Variants in TAFA2 observed in about 807,000 individuals in gnomAD.
TAFA2 encodes TAFA chemokine like family member 2.
TAFA2 carries 7 observed loss-of-function variants against 18.8 expected under a neutral mutation model. The ratio of observed to expected loss-of-function variants is 0.37; its 90% CI spans 0.21 to 0.70. The LOEUF is 0.70. Among genes scored for constraint, TAFA2 ranks in the 30% least tolerant of loss-of-function variants. TAFA2 has a pLI of 0.53. For missense variants in TAFA2, 122 were observed against 158.1 expected, an observed-to-expected ratio of 0.77 and a Z score of 1.23; for synonymous variants, 60 against 54.2, an observed-to-expected ratio of 1.11 and a Z score of -0.47.
At chr12:61,779,434 T>G (rs569835063) in intron 2 of TAFA2, among the ~76,000 whole-genome samples, 1 of 151,950 alleles carries the variant, frequency 6.6e-6, no homozygotes. Context: ...TAAAAGGGCA[T>G]GCTATTAATA....
intron 1 of TAFA2, among the ~76,000 whole-genome samples, chr12:62,233,420 T>C (rs1257687633): frequency 7.9e-5 from 12 of 152,284 alleles, no homozygotes; most frequent in East Asian, 7.7e-4. Flanking sequence ...CTCCACTAGA[T>C]TGTGACCTCC....
chr12:62,034,965 A>G (rs1293212753), intron 1 of TAFA2, among the ~76,000 whole-genome samples: 2 of 152,212 alleles, frequency 1.3e-5, no homozygotes, highest in Non-Finnish European at 2.9e-5. Context: ...TTGAAAACAG[A>G]GTGACATTAT....
chr12:62,095,540 A>T (rs1868912911), intron 1 of TAFA2, among the ~76,000 whole-genome samples: 2 of 152,164 alleles, frequency 1.3e-5, no homozygotes, highest in Non-Finnish European at 2.9e-5. Flanking sequence ...TGAGTGGCAC[A>T]GCTCAAACAA....
chr12:62,243,704 G>C (rs73135222), intron 1 of TAFA2, among the ~76,000 whole-genome samples: 14,252 of 152,252 alleles, frequency 0.094, 740 homozygotes, highest in Middle Eastern at 0.18. Flanking sequence ...TGAATTTACA[G>C]TTAACATCAA....
chr12:62,189,032 T>C (rs1279855099), intron 1 of TAFA2, among the ~76,000 whole-genome samples: 1 of 152,198 alleles, frequency 6.6e-6, no homozygotes, highest in Non-Finnish European at 1.5e-5. Context: ...AATTCCCCTT[T>C]AGCAGAACCT....
chr12:62,196,581 C>T (rs1444820343), upstream of TAFA2, among the ~76,000 whole-genome samples: 4 of 152,126 alleles, frequency 2.6e-5, no homozygotes, highest in Non-Finnish European at 4.4e-5. Flanking sequence ...GTTGGGGGAA[C>T]AGCCAGTTGG....
chr12:61,821,142 C>A (rs926610803), intron 2 of TAFA2, among the ~76,000 whole-genome samples: 11 of 151,480 alleles, frequency 7.3e-5, no homozygotes, highest in African/African-American at 2.4e-4. Context: ...CACACACACA[C>A]ACACACACAC....
At chr12:61,937,393 G>C (rs1877813725) in intron 1 of TAFA2, among the ~76,000 whole-genome samples, 1 of 152,076 alleles carries the variant, frequency 6.6e-6, no homozygotes, top group African/African-American at 2.4e-5. Flanking sequence ...CACATTACCT[G>C]ACTTCAAATT....
chr12:62,071,185 T>C (rs995356331), intron 1 of TAFA2, among the ~76,000 whole-genome samples: 1 of 152,086 alleles, frequency 6.6e-6, no homozygotes, highest in Non-Finnish European at 1.5e-5. Context: ...AAAGACTAAA[T>C]GCAACAATGT....
At chr12:61,822,131 A>G (rs1228935876) in intron 2 of TAFA2, among the ~76,000 whole-genome samples, 5 of 152,128 alleles carry the variant, frequency 3.3e-5, no homozygotes, top group Non-Finnish European at 7.4e-5. Context: ...ATTTACATTA[A>G]AAGATACAAT....
At chr12:61,995,540 AGGT>A (rs1880155617) in intron 1 of TAFA2, among the ~76,000 whole-genome samples, 2 of 152,280 alleles carry the variant, frequency 1.3e-5, no homozygotes, top group South Asian at 4.1e-4. Context: ...GCCTGGGACC[AGGT>A]CGACCTTTTT....
At chr12:62,006,523 C>G (rs1880556031) in intron 1 of TAFA2, among the ~76,000 whole-genome samples, 1 of 152,070 alleles carries the variant, frequency 6.6e-6, no homozygotes. Flanking sequence ...TTACAAGGCA[C>G]TGAATAGTAA....
At chr12:61,931,631 G>A (rs989040004) in intron 1 of TAFA2, among the ~76,000 whole-genome samples, 4 of 152,096 alleles carry the variant, frequency 2.6e-5, no homozygotes, top group African/African-American at 9.7e-5. Context: ...AAAACTGAAG[G>A]GCAATAAGCT....
chr12:61,780,232 C>T (rs781114588), intron 2 of TAFA2, among the ~76,000 whole-genome samples: 2 of 151,750 alleles, frequency 1.3e-5, no homozygotes, highest in Non-Finnish European at 2.9e-5. Flanking sequence ...TGACAGGACA[C>T]ATATCACATG....
intron 1 of TAFA2, among the ~76,000 whole-genome samples, chr12:62,249,835 G>C (rs1000886435): frequency 1.3e-5 from 2 of 152,172 alleles, no homozygotes; most frequent in East Asian, 3.9e-4. Context: ...AGGAGATTCA[G>C]ACAAAGAGCC....
chr12:62,125,058 G>A (rs1031515445), intron 1 of TAFA2, among the ~76,000 whole-genome samples: 6 of 152,088 alleles, frequency 3.9e-5, no homozygotes, highest in African/African-American at 1.4e-4. Flanking sequence ...CTTTTAAGAT[G>A]GGTGATAGTG....
At chr12:61,845,125 C>A (rs1873348511) in intron 2 of TAFA2, among the ~76,000 whole-genome samples, 1 of 152,082 alleles carries the variant, frequency 6.6e-6, no homozygotes, top group Non-Finnish European at 1.5e-5. Context: ...AAATGAAAAA[C>A]TCCAAGAAGT....
At chr12:61,749,473 G>A (rs547766639) in intron 4 of TAFA2, among the ~76,000 whole-genome samples, 1 of 152,136 alleles carries the variant, frequency 6.6e-6, no homozygotes, top group Non-Finnish European at 1.5e-5. Flanking sequence ...AAATGCTTCT[G>A]TATTTGCTTT....
chr12:62,088,614 T>TAAA (rs139428735), intron 1 of TAFA2, among the ~76,000 whole-genome samples: 1 of 104,474 alleles, frequency 9.6e-6, no homozygotes, highest in African/African-American at 3.5e-5. Flanking sequence ...TGGACCACAT[T>TAAA]AAAAAAAAAA....
Sources: allele counts gnomAD v4.1 joint callset (sites outside exome capture counted in the v4.1 genomes callset), GRCh38; gene constraint gnomAD v4.1.1; transcripts MANE v1.5; gene names NCBI Gene and HGNC (gene_info 2026-07-23, HGNC 2026-07-21).